DGKH: variants seen among roughly 807,000 people sequenced by gnomAD.
The protein encoded by DGKH is DAG kinase eta.
A neutral mutation model predicts 159.3 loss-of-function variants in DGKH; 90 were observed. That is an observed-to-expected ratio of 0.57 (90% CI 0.48 to 0.67). The LOEUF is 0.67. Ranked by LOEUF, DGKH falls within the 30% of genes least tolerant of loss-of-function variation. The pLI is 0.00. For synonymous variants in DGKH, 536 were observed against 553.8 expected (o/e 0.97, Z 0.45); for missense variants, 1,181 against 1,506.1 (o/e 0.78, Z 3.57).
chr13:42,154,802 A>G (rs1040074304), intron 3 of DGKH, among the ~76,000 whole-genome samples: 3 of 152,052 alleles, frequency 2.0e-5, no homozygotes, highest in Admixed American at 2.0e-4. Context: ...GCACTTTGGG[A>G]GGCCGAGGGG....
chr13:42,125,890 A>C (rs1288059728), intron 1 of DGKH, among the ~76,000 whole-genome samples: 1 of 152,048 alleles, frequency 6.6e-6, no homozygotes, highest in African/African-American at 2.4e-5. Context: ...TAGGCACTGG[A>C]GATATTGTCA....
intron 1 of DGKH, among the ~76,000 whole-genome samples, chr13:42,075,385 G>A (rs965277143): frequency 6.6e-6 from 1 of 152,200 alleles, no homozygotes; most frequent in East Asian, 1.9e-4. Flanking sequence ...CATCATGAAA[G>A]TGTGTCTCTT....
chr13:42,158,886 A>T (rs1956106487), intron 5 of DGKH, among the ~76,000 whole-genome samples: 1 of 152,198 alleles, frequency 6.6e-6, no homozygotes, highest in African/African-American at 2.4e-5. Flanking sequence ...ACACATTCGT[A>T]TAATCAGCAC....
intron 1 of DGKH, among the ~76,000 whole-genome samples, chr13:42,078,970 G>A (rs1237085270): frequency 2.8e-5 from 4 of 143,364 alleles, no homozygotes; most frequent in African/African-American, 8.0e-5. Context: ...GAGTGCAGTG[G>A]CATGATCTTG....
downstream of DGKH, among the ~76,000 whole-genome samples, chr13:42,245,622 G>T (rs751270574): frequency 2.0e-5 from 3 of 151,870 alleles, no homozygotes; most frequent in Non-Finnish European, 4.4e-5. Flanking sequence ...GTCTCACTCT[G>T]TTTCCCAGGC....
At chr13:42,158,249 A>G (rs1335379512) in intron 5 of DGKH, among the ~76,000 whole-genome samples, 1 of 152,216 alleles carries the variant, frequency 6.6e-6, no homozygotes, top group Non-Finnish European at 1.5e-5. Flanking sequence ...AAAATTTGTT[A>G]ATGATTGACT....
intron 17 of DGKH, among the ~76,000 whole-genome samples, chr13:42,198,126 G>A (rs1024707972): frequency 2.6e-5 from 4 of 152,126 alleles, no homozygotes; most frequent in Admixed American, 2.6e-4. Context: ...CGCCTTTATT[G>A]TAAATTCCTT....
chr13:42,203,444 T>C (rs904610951), intron 20 of DGKH, among the ~76,000 whole-genome samples: 1 of 152,222 alleles, frequency 6.6e-6, no homozygotes, highest in African/African-American at 2.4e-5. Context: ...TTGGCCTCAC[T>C]GTGTGCTAAG....
At chr13:42,051,099 A>G (rs1881259308) in intron 1 of DGKH, among the ~76,000 whole-genome samples, 1 of 152,348 alleles carries the variant, frequency 6.6e-6, no homozygotes, top group Non-Finnish European at 1.5e-5. Context: ...TGGAGACTAC[A>G]AGTAAATTTA....
At chr13:42,207,115 CTT>C (rs1201061224) in intron 21 of DGKH, among the ~76,000 whole-genome samples, 8 of 49,148 alleles carry the variant, frequency 1.6e-4, no homozygotes, top group East Asian at 5.3e-4. Flanking sequence ...CTTTCTTTCT[CTT>C]TCTCTCTCCT....
At chr13:42,040,742 C>G (rs1229530401) in intron 1 of DGKH, among the ~76,000 whole-genome samples, 1 of 148,502 alleles carries the variant, frequency 6.7e-6, no homozygotes, top group Non-Finnish European at 1.5e-5. Context: ...GTGGCTGGCC[C>G]CGGGCGGGGA....
chr13:42,040,300 G>A (rs1385862488), intron 1 of DGKH, among the ~76,000 whole-genome samples: 2 of 152,160 alleles, frequency 1.3e-5, no homozygotes, highest in Non-Finnish European at 2.9e-5. Flanking sequence ...TGCTCCCGTC[G>A]CCAGCGCGGT....
chr13:42,217,490 G>A (rs532919405), intron 26 of DGKH, among the ~76,000 whole-genome samples: 98 of 151,458 alleles, frequency 6.5e-4, no homozygotes, highest in African/African-American at 1.9e-3. Context: ...TGATCCACCC[G>A]TCTCGGCCTC....
chr13:42,049,706 A>G (rs766195912), intron 1 of DGKH, among the ~76,000 whole-genome samples: 1 of 152,172 alleles, frequency 6.6e-6, no homozygotes, highest in Non-Finnish European at 1.5e-5. Flanking sequence ...CTTTTTAATA[A>G]TGAGAAGTTA....
At chr13:42,161,409 GA>G (rs1424590299) in intron 7 of DGKH, among the ~76,000 whole-genome samples, 5 of 152,228 alleles carry the variant, frequency 3.3e-5, no homozygotes, top group Non-Finnish European at 7.3e-5. Context: ...AGCACTTTGG[GA>G]GGCCAAGGTG....
intron 3 of DGKH, among the ~76,000 whole-genome samples, chr13:42,148,330 C>T (rs1265320427): frequency 6.6e-6 from 1 of 152,154 alleles, no homozygotes; most frequent in Non-Finnish European, 1.5e-5. Flanking sequence ...GATTTCAACT[C>T]CAAACATGAA....
intron 11 of DGKH, 83 bp from the exon 12 acceptor site, chr13:42,173,977 G>GTA: frequency 1.2e-6 from 1 of 821,708 alleles, no homozygotes; most frequent in African/African-American, 1.7e-5. Context: ...GTGTGTGTGT[G>GTA]TGTGTGCGCG....
At chr13:42,184,889 A>G (rs9594694) in intron 13 of DGKH, among the ~76,000 whole-genome samples, 1 of 46,896 alleles carries the variant, frequency 2.1e-5, no homozygotes, top group Non-Finnish European at 3.7e-5. Flanking sequence ...TTTTTTTTTT[A>G]AAAAAAAAGT....
intron 3 of DGKH, among the ~76,000 whole-genome samples, chr13:42,132,757 G>C (rs1393584393): frequency 6.6e-6 from 1 of 152,060 alleles, no homozygotes; most frequent in East Asian, 1.9e-4. Context: ...AAATTAGCTG[G>C]GTATGGTGGC....
Sources: gnomAD v4.1 joint callset for allele counts (sites outside exome capture counted in the v4.1 genomes callset) on GRCh38, gnomAD v4.1.1 for gene constraint, MANE v1.5 for transcripts, NCBI Gene and HGNC (gene_info 2026-07-23, HGNC 2026-07-21) for gene names.